SEM1: variants seen among roughly 807,000 people sequenced by gnomAD.
SEM1 encodes 26S proteasome complex subunit SEM1.
In SEM1, 3 loss-of-function variants were observed where a neutral mutation model predicts 12.7. The ratio of observed to expected loss-of-function variants is 0.24; its 90% CI spans 0.11 to 0.61. SEM1 has a LOEUF of 0.61. SEM1 is among the 20% of genes least tolerant of loss of function. SEM1 has a pLI of 0.88. For synonymous variants in SEM1, 30 were observed against 27.8 expected, an observed-to-expected ratio of 1.08 and a Z score of -0.25; for missense variants, 59 against 81.3, an observed-to-expected ratio of 0.73 and a Z score of 1.06.
intron 2 of SEM1, among the ~76,000 whole-genome samples, chr7:96,662,058 T>G (rs1287779886): frequency 6.6e-6 from 1 of 151,542 alleles, no homozygotes; most frequent in Non-Finnish European, 1.5e-5. Flanking sequence ...ATCACAATGC[T>G]TTTACGCTGT....
At chr7:96,660,424 T>C (rs756521396) in intron 2 of SEM1, among the ~76,000 whole-genome samples, 2 of 152,144 alleles carry the variant, frequency 1.3e-5, no homozygotes. Context: ...ACAAATATAG[T>C]GGCATTTTAT....
At chr7:96,513,489 G>A (rs1803994027) in intron 2 of SEM1, among the ~76,000 whole-genome samples, 1 of 152,080 alleles carries the variant, frequency 6.6e-6, no homozygotes, top group African/African-American at 2.4e-5. Context: ...ATAGCATTAG[G>A]GGGTTGATAT....
chr7:96,635,344 T>A (rs977195663), intron 2 of SEM1, among the ~76,000 whole-genome samples: 6 of 152,066 alleles, frequency 3.9e-5, no homozygotes, highest in Admixed American at 6.6e-5. Context: ...AGAAATCTGG[T>A]GTCCTGGCAA....
chr7:96,588,813 A>C (rs1455587759), intron 2 of SEM1, among the ~76,000 whole-genome samples: 7 of 152,140 alleles, frequency 4.6e-5, no homozygotes, highest in Non-Finnish European at 8.8e-5. Context: ...GAATCATTCC[A>C]ATTCATACAT....
intron 2 of SEM1, among the ~76,000 whole-genome samples, chr7:96,644,525 T>C (rs944080003): frequency 2.6e-5 from 4 of 152,108 alleles, no homozygotes; most frequent in African/African-American, 4.8e-5. Flanking sequence ...AACTGTAAAA[T>C]GTGCTGGGAA....
chr7:96,591,292 T>C (rs1399659826), intron 2 of SEM1, among the ~76,000 whole-genome samples: 1 of 152,208 alleles, frequency 6.6e-6, no homozygotes, highest in Non-Finnish European at 1.5e-5. Context: ...AAGATTTACC[T>C]ACTCTTCATA....
chr7:96,513,087 A>G (rs1803982812), intron 2 of SEM1, among the ~76,000 whole-genome samples: 1 of 152,250 alleles, frequency 6.6e-6, no homozygotes, highest in South Asian at 2.1e-4. Flanking sequence ...TATGATAGGC[A>G]CCAGTCCAAT....
intron 2 of SEM1, among the ~76,000 whole-genome samples, chr7:96,571,005 T>A (rs1236005380): frequency 2.0e-5 from 3 of 152,108 alleles, no homozygotes; most frequent in Admixed American, 6.5e-5. Flanking sequence ...ATAAATGTCT[T>A]CTTCTGAGAA....
At chr7:96,609,080 C>T (rs1222626498) in intron 2 of SEM1, among the ~76,000 whole-genome samples, 1 of 152,176 alleles carries the variant, frequency 6.6e-6, no homozygotes, top group Non-Finnish European at 1.5e-5. Flanking sequence ...AGGGTTCCTG[C>T]TTTTTCACAT....
At chr7:96,531,235 G>A (rs1804631967) in intron 2 of SEM1, among the ~76,000 whole-genome samples, 1 of 151,858 alleles carries the variant, frequency 6.6e-6, no homozygotes, top group African/African-American at 2.4e-5. Flanking sequence ...TATGAATGAA[G>A]ATTCTTTGAG....
intron 2 of SEM1, among the ~76,000 whole-genome samples, chr7:96,567,604 T>C (rs2115955176): frequency 6.6e-6 from 1 of 151,644 alleles, no homozygotes; most frequent in East Asian, 1.9e-4. Context: ...TTTTGAGTAG[T>C]TTCACCACTC....
At chr7:96,654,714 T>C (rs964270658) in intron 2 of SEM1, among the ~76,000 whole-genome samples, 1 of 152,152 alleles carries the variant, frequency 6.6e-6, no homozygotes, top group East Asian at 1.9e-4. Context: ...CATTTTTTAT[T>C]TGAGGTATTT....
At chr7:96,685,227 T>G (rs1789726698), downstream of SEM1, among the ~76,000 whole-genome samples, 1 of 152,174 alleles carries the variant, frequency 6.6e-6, no homozygotes, top group Non-Finnish European at 1.5e-5. Context: ...GGGAATAGGA[T>G]GGACATGCCA....
intron 2 of SEM1, among the ~76,000 whole-genome samples, chr7:96,507,648 T>C (rs1403151325): frequency 6.6e-6 from 1 of 152,118 alleles, no homozygotes; most frequent in Non-Finnish European, 1.5e-5. Flanking sequence ...GCACTTTTAA[T>C]TGTGGATTTA....
chr7:96,579,262 A>G (rs913758230), intron 2 of SEM1, among the ~76,000 whole-genome samples: 1 of 152,220 alleles, frequency 6.6e-6, no homozygotes, highest in Admixed American at 6.5e-5. Context: ...TATGCCTTTC[A>G]GCTGTAGCTT....
chr7:96,496,125 T>C (rs1311954861), intron 1 of SEM1, among the ~76,000 whole-genome samples: 2 of 152,180 alleles, frequency 1.3e-5, no homozygotes, highest in Non-Finnish European at 2.9e-5. Context: ...AGCAAAAGCA[T>C]CAGAATACCC....
chr7:96,693,959 T>C (rs1458751599), intron 2 of SEM1, among the ~76,000 whole-genome samples: 1 of 151,974 alleles, frequency 6.6e-6, no homozygotes, highest in Admixed American at 6.6e-5. Context: ...TATAGTATTA[T>C]TATAAATTGG....
rs575316616 is a variant in SEM1 at position 96,606,312 on chromosome 7, G to A, written c.170+88486C>T. Reference sequence around the variant, plus strand: ...AACTTTAAGTAAACTAGATTTATACGGAGAACAAGGGCAAAAAATATGGAT... The same window carrying A: ...AACTTTAAGTAAACTAGATTTATACAGAGAACAAGGGCAAAAAATATGGAT... On this transcript the variant is annotated intron_variant and NMD_transcript_variant, in intron 2 of 3. Coordinates refer to the SEM1 transcript ENST00000466986. 1.3e-4 allele frequency among the ~76,000 whole-genome samples: 20 copies of A among 152,254 alleles called. No homozygotes were observed. In the South Asian group the frequency reaches 1.5e-3, roughly 11 times the overall value.
intron 2 of SEM1, among the ~76,000 whole-genome samples, chr7:96,624,410 G>T (rs1015563970): frequency 2.0e-5 from 3 of 152,108 alleles, no homozygotes; most frequent in Non-Finnish European, 4.4e-5. Context: ...TAGTGTAGTG[G>T]GTCAAGTGGG....
Sources: allele counts gnomAD v4.1 joint callset (sites outside exome capture counted in the v4.1 genomes callset), GRCh38; gene constraint gnomAD v4.1.1; transcripts MANE v1.5; gene names NCBI Gene and HGNC (gene_info 2026-07-23, HGNC 2026-07-21).